ADRA1A: variants seen among roughly 807,000 people sequenced by gnomAD.
ADRA1A encodes the protein adrenoceptor alpha 1A.
A neutral mutation model predicts 29.6 loss-of-function variants in ADRA1A; 31 were observed. The ratio of observed to expected loss-of-function variants is 1.05; its 90% CI spans 0.79 to 1.41. The LOEUF is 1.41. ADRA1A is among the 40% of genes most tolerant of loss of function. The pLI, the probability that ADRA1A is intolerant of heterozygous loss-of-function variation, is 0.00. For missense variants in ADRA1A, 619 were observed against 601.1 expected, an observed-to-expected ratio of 1.03 and a Z score of -0.31; for synonymous variants, 311 against 254.3, an observed-to-expected ratio of 1.22 and a Z score of -2.12.
chr8:26,759,270 T>C (rs1805372878), intron 2 of ADRA1A, among the ~76,000 whole-genome samples: 1 of 152,190 alleles, frequency 6.6e-6, no homozygotes, highest in Non-Finnish European at 1.5e-5. Context: ...GCATATGGTA[T>C]TCAGAAGAGG....
chr8:26,842,922 T>C (rs1366341294), intron 2 of ADRA1A, among the ~76,000 whole-genome samples: 1 of 150,346 alleles, frequency 6.7e-6, no homozygotes, highest in Non-Finnish European at 1.5e-5. Context: ...TCAAGGATTA[T>C]CTCACAAGCT....
At chr8:26,838,460 T>C (rs888962555) in intron 2 of ADRA1A, among the ~76,000 whole-genome samples, 1 of 152,196 alleles carries the variant, frequency 6.6e-6, no homozygotes, top group African/African-American at 2.4e-5. Flanking sequence ...GGACTTGACT[T>C]TGAGTCTCTT....
intron 2 of ADRA1A, among the ~76,000 whole-genome samples, chr8:26,858,243 A>G (rs1813190156): frequency 6.6e-6 from 1 of 152,196 alleles, no homozygotes; most frequent in Non-Finnish European, 1.5e-5. Context: ...TCCTATAATA[A>G]CGCTGGGTTT....
At chr8:26,842,693 C>T (rs970095813) in intron 2 of ADRA1A, among the ~76,000 whole-genome samples, 2 of 152,148 alleles carry the variant, frequency 1.3e-5, no homozygotes, top group African/African-American at 4.8e-5. Flanking sequence ...CCCCCAGTGG[C>T]TCCCCACTTC....
At chr8:26,845,969 C>G (rs898431900) in intron 2 of ADRA1A, among the ~76,000 whole-genome samples, 5 of 152,036 alleles carry the variant, frequency 3.3e-5, no homozygotes, top group Admixed American at 6.6e-5. Context: ...ATTCTGGGGT[C>G]ATGAAGTGCT....
intron 2 of ADRA1A, among the ~76,000 whole-genome samples, chr8:26,835,436 T>C (rs1811277145): frequency 6.6e-6 from 1 of 152,152 alleles, no homozygotes; most frequent in African/African-American, 2.4e-5. Flanking sequence ...CATAGTTCCG[T>C]AGAGCTGGGG....
rs1810166896 is a variant in ADRA1A at position 26,821,466 on chromosome 8, C to T, written c.883+42621G>A. Among the ~76,000 whole-genome samples, 1 of 152,116 alleles carries T rather than the reference C, an allele frequency of 6.6e-6. No individual in the cohort carries two copies. The highest frequency in any genetic ancestry group is 1.5e-5 in the Non-Finnish European group (1 of 68,028). On this transcript the variant is annotated intron_variant, in intron 2 of 2. Coordinates refer to ENST00000380573, the MANE Select transcript of ADRA1A (RefSeq NM_000680.4). This position sits in a 1 kb window ranked among gnomAD's most constrained non-coding sequence, Gnocchi z 5.6. ...TCGAGTGAACTGAGAACTCACTTTT[C>T]ACCACGGAGATGGTGTTAAGCCATT...
chr8:26,785,547 AT>A (rs11416292), intron 2 of ADRA1A, among the ~76,000 whole-genome samples: 5 of 151,296 alleles, frequency 3.3e-5, no homozygotes, highest in Admixed American at 6.6e-5. Flanking sequence ...TGACACATTG[AT>A]TTTTTTTTCA....
Position 26,841,825 on chromosome 8 carries a change from G to A in ADRA1A, c.883+22262C>T, listed in dbSNP as rs1395530722. 2.0e-5 allele frequency among the ~76,000 whole-genome samples: 3 copies of A among 151,966 alleles called. No homozygotes were observed. The highest frequency in any genetic ancestry group is 4.4e-5 in the Non-Finnish European group (3 of 67,998). On this transcript the variant is annotated intron_variant, in intron 2 of 2. Coordinates refer to ENST00000380573, the MANE Select transcript of ADRA1A (RefSeq NM_000680.4). The surrounding 1 kb of genome is among the most constrained non-coding windows in gnomAD (Gnocchi z 4.4). ...TTTTTTTCTCCTTTTCTTTCCCCTT[G>A]ACTTCTCTGCTGCATTTGATATTGG...
rs555991289 is a variant in ADRA1A, at chr8:26,796,041, T to C, written c.884-25375A>G. Among the ~76,000 whole-genome samples the C allele has an allele frequency of 6.6e-6, 1 of 152,254 alleles. No homozygotes were observed. Among genetic ancestry groups the C allele is most frequent in the South Asian group, 2.1e-4 (1 of 4,830 alleles). ...ATTATTGTCAGCTTTTGTTTAGATATAATAGTATTATTGTTATACATTTCA... is the reference window on the plus strand; with the variant it reads ...ATTATTGTCAGCTTTTGTTTAGATACAATAGTATTATTGTTATACATTTCA... On this transcript the variant is annotated intron_variant, in intron 2 of 2. Transcript: ENST00000380573. This position sits in a 1 kb window ranked among gnomAD's most constrained non-coding sequence, Gnocchi z 5.0.
At position 26,825,666 on chromosome 8, in the gene ADRA1A, C is replaced by T. The variant is rs1810505717; in HGVS notation, c.883+38421G>A. Among the ~76,000 whole-genome samples, 1 of 152,196 alleles carries T rather than the reference C, an allele frequency of 6.6e-6. No individual in the cohort carries two copies. Among genetic ancestry groups the T allele is most frequent in the African/African-American group, 2.4e-5 (1 of 41,458 alleles). ...CAGCCTTCACAGAGCAACTGTCATT[C>T]TTTAGGAAAAATCAAAATTTAGCTT... On this transcript the variant is annotated intron_variant, in intron 2 of 2. Transcript: ENST00000380573. The surrounding 1 kb of genome is among the most constrained non-coding windows in gnomAD (Gnocchi z 5.7).
Position 26,769,999 on chromosome 8 carries a change from C to T in ADRA1A, c.*150G>A. Reference sequence around the variant, plus strand: ...CCTCTTCCCTGTGCCCTACCCGCTGCCTGATGAGTTGGGTCTACCACCCAC... The same window carrying T: ...CCTCTTCCCTGTGCCCTACCCGCTGTCTGATGAGTTGGGTCTACCACCCAC... On this transcript the variant is annotated 3_prime_UTR_variant, in exon 3 of 3. Coordinates refer to ENST00000380573, the MANE Select transcript of ADRA1A (RefSeq NM_000680.4). 1 of 1,444,708 alleles carries T rather than the reference C, an allele frequency of 6.9e-7. No individual in the cohort carries two copies. The highest frequency in any genetic ancestry group is 9.1e-7 in the Non-Finnish European group (1 of 1,103,210). The allele number at this position is 1,444,708 out of a possible 1,614,324, so 89.5% of individuals were successfully genotyped here.
At chr8:26,799,252 T>G (rs1487180156) in intron 2 of ADRA1A, among the ~76,000 whole-genome samples, 1 of 152,208 alleles carries the variant, frequency 6.6e-6, no homozygotes, top group East Asian at 1.9e-4. Flanking sequence ...AGTAAACACA[T>G]GAGATGAGCT....
rs1239535883 is a variant in ADRA1A at position 26,769,141 on chromosome 8, C to A, written c.*1008G>T. The A allele has an allele frequency of 7.1e-6, 7 of 985,276 alleles. No individual in the cohort carries two copies. The highest frequency in any genetic ancestry group is 8.4e-6 in the Non-Finnish European group (7 of 829,912). The allele number at this position is 985,276 out of a possible 1,614,324, so 61.0% of individuals were successfully genotyped here. Reference sequence around the variant, plus strand: ...CAGATAAGAAGTAATGGGAGACAATCTTTTGCCTTTCAAAATATTATAAGC... The same window carrying A: ...CAGATAAGAAGTAATGGGAGACAATATTTTGCCTTTCAAAATATTATAAGC... On this transcript the variant is annotated 3_prime_UTR_variant, in exon 3 of 3. Transcript: ENST00000380573.
Position 26,848,703 on chromosome 8 carries a change from ACTT to A in ADRA1A, c.883+15381_883+15383del, listed in dbSNP as rs905903729. Among the ~76,000 whole-genome samples the A allele has an allele frequency of 4.6e-5, 7 of 152,222 alleles. No homozygotes were observed. The South Asian group carries it at 1.0e-3, about 23-fold the overall frequency. ...CATCCTCAGGTGTGTGAATGGTTTC[ACTT>A]CTTCTTTCCTAGGAAAAGAGTCATT... On this transcript the variant is annotated intron_variant, in intron 2 of 2. Coordinates refer to ENST00000380573, the MANE Select transcript of ADRA1A (RefSeq NM_000680.4). The surrounding 1 kb of genome is among the most constrained non-coding windows in gnomAD (Gnocchi z 4.3).
chr8:26,843,308 A>G (rs935356066), intron 2 of ADRA1A, among the ~76,000 whole-genome samples: 1 of 152,242 alleles, frequency 6.6e-6, no homozygotes, highest in African/African-American at 2.4e-5. Flanking sequence ...ATGTGACAAC[A>G]TCTGAGAGCT....
chr8:26,758,791 A>C (rs548677350), intron 2 of ADRA1A, among the ~76,000 whole-genome samples: 2 of 152,344 alleles, frequency 1.3e-5, no homozygotes, highest in South Asian at 4.1e-4. Context: ...AGGAGAACAC[A>C]CAAGAGAGCG....
At chr8:26,774,371 G>C (rs1806387866) in intron 2 of ADRA1A, among the ~76,000 whole-genome samples, 1 of 152,186 alleles carries the variant, frequency 6.6e-6, no homozygotes, top group Admixed American at 6.5e-5. Context: ...CAAAGAGTGA[G>C]AAAAGACAGC....
At chr8:26,790,408 G>T (rs977477975) in intron 2 of ADRA1A, among the ~76,000 whole-genome samples, 25 of 152,066 alleles carry the variant, frequency 1.6e-4, no homozygotes, top group African/African-American at 5.8e-4. Context: ...TAAAAAAGTT[G>T]GTCTCGTAGA....
Sources: allele counts gnomAD v4.1 joint callset (sites outside exome capture counted in the v4.1 genomes callset), GRCh38; gene constraint gnomAD v4.1.1; non-coding constraint Gnocchi (gnomAD v3.1); transcripts MANE v1.5; gene names NCBI Gene and HGNC (gene_info 2026-07-23, HGNC 2026-07-21).